The following AK9 variants were observed in gnomAD, a reference collection of about 807,000 sequenced individuals.
AK9 encodes the protein adenylate kinase 9.
AK9 carries 191 observed loss-of-function variants against 239.6 expected under a neutral mutation model. The observed-to-expected ratio is 0.80, with a 90% CI of 0.71 to 0.90. The LOEUF is 0.90. Ranked by LOEUF, AK9 falls within the 40% of genes least tolerant of loss-of-function variation. AK9 has a pLI of 0.00. For synonymous variants in AK9, 689 were observed against 721.0 expected (o/e 0.96, Z 0.71); for missense variants, 1,995 against 2,214.7 (o/e 0.90, Z 1.99).
intron 38 of AK9, 90 bp downstream of exon 38, chr6:109,497,375 C>CTCTT: frequency 1.3e-6 from 1 of 771,858 alleles, no homozygotes; most frequent in African/African-American, 1.8e-5. Flanking sequence ...CTCTCTCTCT[C>CTCTT]TCTCTCTCTC....
chr6:109,665,999 T>C (rs997477832), intron 5 of AK9, among the ~76,000 whole-genome samples: 5 of 152,188 alleles, frequency 3.3e-5, no homozygotes, highest in South Asian at 2.1e-4. Flanking sequence ...TACATGTATA[T>C]TGGAATGATG....
At chr6:109,644,777 AT>A (rs1797840184) in intron 8 of AK9, 89 bp from the exon 9 acceptor site, 2 of 1,097,276 alleles carry the variant, frequency 1.8e-6, no homozygotes, top group Non-Finnish European at 2.6e-6. Context: ...GTGCAGATAT[AT>A]TTAAAGTAAA....
At chr6:109,687,225 T>G (rs1461919812) in intron 1 of AK9, among the ~76,000 whole-genome samples, 1 of 152,084 alleles carries the variant, frequency 6.6e-6, no homozygotes, top group East Asian at 1.9e-4. Context: ...ATTGGTTTCA[T>G]CAAGGGCCTA....
intron 1 of AK9, among the ~76,000 whole-genome samples, chr6:109,682,037 G>A (rs1279408319): frequency 6.6e-6 from 1 of 152,166 alleles, no homozygotes; most frequent in Admixed American, 6.5e-5. Context: ...AACTAGAGAA[G>A]CAACAGTAAA....
Position 109,644,649 on chromosome 6 carries a change from G to T in AK9, c.799C>A (p.Leu267Ile). The T allele has an allele frequency of 6.2e-7, 1 of 1,612,726 alleles. No homozygotes were observed. Among genetic ancestry groups the T allele is most frequent in the Non-Finnish European group, 8.5e-7 (1 of 1,179,854 alleles). ...TCCTCTGCTGGTTTATTTCCATTTAGCTCAATGAGATACTGGGGATTGTGT... is the reference window on the plus strand; with the variant it reads ...TCCTCTGCTGGTTTATTTCCATTTATCTCAATGAGATACTGGGGATTGTGT... Reference protein sequence around the residue: ...AEHNPQYLIELNGNKPAEELF... With the variant: ...AEHNPQYLIEINGNKPAEELF... The change falls in exon 9 of 41, where the codon CTA becomes ATA. Residue 267 changes from leucine (L) to isoleucine (I), a missense_variant. Around this residue, in one of 5 missense-constraint regions of AK9, gnomAD observed 1,290 missense variants for 1,392.7 expected, o/e 0.93. Transcript: ENST00000424296.
chr6:109,671,927 C>T lies in AK9; in HGVS notation c.323G>A (p.Cys108Tyr), dbSNP rs1166732065. ...MLEKLNSPEV[C>Y]HFGYIITEIP... ...TATTAAAATAAACATACCAAAGTGA[C>T]AGACTTCTGGGGAGTTGAGCTTCTC... Residue 108 changes from cysteine to tyrosine, a missense_variant, in exon 5 of 41, where the codon TGT (cysteine) becomes TAT (tyrosine). By Grantham distance (194) the Cys-to-Tyr change is radical. Coordinates refer to ENST00000424296, the MANE Select transcript of AK9 (RefSeq NM_001145128.3). 4 of 1,613,576 alleles carry T rather than the reference C, an allele frequency of 2.5e-6. No homozygotes were observed. The highest frequency in any genetic ancestry group is 3.4e-6 in the Non-Finnish European group (4 of 1,179,686).
chr6:109,659,308 G>C lies in AK9; in HGVS notation c.550C>G (p.His184Asp). The stretch of plus-strand genomic sequence containing the variant: ...TGGGCTTCTTTCTTCTTTTTCCTAT[G>C]ATTCTCAATGACTTCAGGATCCCAC... Reference protein sequence around the residue: ...DQWDPEVIENHRKKKKEAQKD... With the variant: ...DQWDPEVIENDRKKKKEAQKD... Residue 184 changes from histidine (H) to aspartate (D), a missense_variant, in exon 7 of 41, where the codon CAT (histidine) becomes GAT (aspartate). His to Asp is a moderately conservative substitution (Grantham distance 81). Transcript: ENST00000424296. The C allele has an allele frequency of 6.2e-7, 1 of 1,604,170 alleles. No individual in the cohort carries two copies.
At chr6:109,619,282 G>A in intron 12 of AK9, 46 bp from the exon 13 acceptor site, 1 of 1,513,516 alleles carries the variant, frequency 6.6e-7, no homozygotes, top group Non-Finnish European at 8.8e-7. Flanking sequence ...GAGTTATTGT[G>A]ACTATTAAAC....
intron 19 of AK9, 121 bp from the exon 20 acceptor site, chr6:109,579,747 T>G (rs1049044170): frequency 1.2e-6 from 1 of 853,372 alleles, no homozygotes; most frequent in African/African-American, 1.8e-5. Flanking sequence ...TACTTTACAA[T>G]GTATATTTTT....
In AK9 at chr6:109,514,216, A is replaced by ACGCT. The variant is rs559724447; in HGVS notation, c.4279+4_4279+7dup. On this transcript the variant is annotated splice_region_variant and intron_variant, in intron 32 of 40. Transcript: ENST00000424296. ...GCTTGAGGAAAACAAAGGCAAACAT[A>ACGCT]CGCTCACCTGTAGTTTTCCCAGATT... 3.5e-3 allele frequency: 5,394 copies of ACGCT among 1,547,388 alleles called. 14 individuals carry two copies. The highest frequency in any genetic ancestry group is 4.4e-3 in the Non-Finnish European group (5,041 of 1,144,976).
intron 17 of AK9, among the ~76,000 whole-genome samples, chr6:109,602,635 G>A (rs973250870): frequency 2.6e-5 from 4 of 152,124 alleles, no homozygotes; most frequent in African/African-American, 7.2e-5. Flanking sequence ...TGCTAGGTTG[G>A]AGAAATTCTC....
In AK9 at chr6:109,515,862, C is replaced by T; in HGVS notation, c.4060G>A (p.Val1354Ile). The T allele has an allele frequency of 6.5e-7, 1 of 1,549,980 alleles. No individual in the cohort carries two copies. The highest frequency in any genetic ancestry group is 8.7e-7 in the Non-Finnish European group (1 of 1,145,652). ...GGTGCGTTTGCTGAAATTACCTTTA[C>T]AGGGTCCCAATAGCCGAATGAGCTT... ...YISSFGYWDP[V>I]KLSEGETIKP... The change falls in exon 31 of 41, where the codon GTA becomes ATA. Residue 1354 changes from valine (V) to isoleucine (I), a missense_variant. This residue lies in a region of AK9 where 1,290 missense variants were observed against 1,392.7 expected (regional missense o/e 0.93). Transcript: ENST00000424296.
At chr6:109,686,442 A>G (rs1438053173) in intron 1 of AK9, among the ~76,000 whole-genome samples, 1 of 152,240 alleles carries the variant, frequency 6.6e-6, no homozygotes, top group African/African-American at 2.4e-5. Context: ...CAAAGAGAGC[A>G]TAAAGCGCAC....
At chr6:109,641,223 C>A (rs1797384024) in intron 10 of AK9, among the ~76,000 whole-genome samples, 1 of 149,304 alleles carries the variant, frequency 6.7e-6, no homozygotes, top group African/African-American at 2.4e-5. Context: ...GGCTGGAGTG[C>A]AATGGCATGA....
At chr6:109,549,440 T>A (rs989531325) in intron 25 of AK9, among the ~76,000 whole-genome samples, 1 of 152,168 alleles carries the variant, frequency 6.6e-6, no homozygotes, top group African/African-American at 2.4e-5. Flanking sequence ...AAGACCATCA[T>A]CCTGCTCTGC....
intron 8 of AK9, among the ~76,000 whole-genome samples, chr6:109,646,187 C>G (rs7767525): frequency 0.35 from 52,620 of 152,100 alleles, 9,574 homozygotes; most frequent in South Asian, 0.44. Context: ...GCCTCTAATC[C>G]TCCAAAGGAT....
intron 19 of AK9, among the ~76,000 whole-genome samples, chr6:109,581,757 T>C (rs1583104933): frequency 1.3e-5 from 2 of 152,160 alleles, no homozygotes; most frequent in Non-Finnish European, 2.9e-5. Context: ...TAGACAAAGG[T>C]GGCTACACTA....
At chr6:109,541,272 C>T (rs891400709) in intron 27 of AK9, among the ~76,000 whole-genome samples, 3 of 152,150 alleles carry the variant, frequency 2.0e-5, no homozygotes, top group Admixed American at 1.3e-4. Flanking sequence ...TATCCATAAT[C>T]CCATATCTCA....
At chr6:109,527,486 C>T (rs1043019670) in intron 29 of AK9, 8 of 152,112 alleles carry the variant, frequency 5.3e-5, no homozygotes, top group African/African-American at 1.9e-4. Context: ...GGATGGATGC[C>T]ACTTAGGGTG....
Sources: allele counts gnomAD v4.1 joint callset (sites outside exome capture counted in the v4.1 genomes callset), GRCh38; gene constraint gnomAD v4.1.1; regional missense constraint gnomAD v4.1.1; transcripts MANE v1.5; gene names NCBI Gene and HGNC (gene_info 2026-07-23, HGNC 2026-07-21).